The following PDE4D variants were observed in gnomAD, a reference collection of about 807,000 sequenced individuals.
PDE4D encodes the protein 3',5'-cyclic-AMP phosphodiesterase 4D.
In PDE4D, 24 loss-of-function variants were observed where a neutral mutation model predicts 87.4. That is an observed-to-expected ratio of 0.27 (90% CI 0.20 to 0.39). The LOEUF is 0.39. PDE4D is among the 10% of genes least tolerant of loss of function. The pLI, the probability that PDE4D is intolerant of heterozygous loss-of-function variation, is 1.00. For synonymous variants in PDE4D, 384 were observed against 383.2 expected (o/e 1.00, Z -0.02); for missense variants, 714 against 1,041.0 (o/e 0.69, Z 4.32).
chr5:59,951,888 C>A (rs1487882599), intron 3 of PDE4D, among the ~76,000 whole-genome samples: 2 of 152,168 alleles, frequency 1.3e-5, no homozygotes, highest in African/African-American at 4.8e-5. Context: ...CCCCGTTAAA[C>A]ATCTCTGTTA....
chr5:59,372,661 C>T lies in PDE4D; in HGVS notation c.456-156693G>A, dbSNP rs535942239. 9.2e-5 allele frequency among the ~76,000 whole-genome samples: 14 copies of T among 152,328 alleles called. No homozygotes were observed. In the East Asian group the frequency reaches 2.3e-3, roughly 25 times the overall value. ...ACCACCCTACCCCCAGCCAACACCA[C>T]CTCCAGTGTGACTGTGCACACAGGC... On this transcript the variant is annotated intron_variant, in intron 1 of 14. Transcript: ENST00000340635.
Position 60,180,894 on chromosome 5 carries a change from T to C in PDE4D, c.42+4663A>G, listed in dbSNP as rs529255107. ...TGAATACCAGTGAAAAAAATCAGTTTATACATCCTTAACTTTATTAGGATT... is the reference window on the plus strand; with the variant it reads ...TGAATACCAGTGAAAAAAATCAGTTCATACATCCTTAACTTTATTAGGATT... On this transcript the variant is annotated intron_variant, in intron 2 of 16. Coordinates refer to the PDE4D transcript ENST00000502484. 4.6e-5 allele frequency among the ~76,000 whole-genome samples: 7 copies of C among 152,282 alleles called. 1 individual carries two copies. The highest frequency in any genetic ancestry group is 1.3e-4 in the Admixed American group (2 of 15,296).
At chr5:60,407,114 T>C (rs1012411529) in intron 1 of PDE4D, among the ~76,000 whole-genome samples, 2 of 152,150 alleles carry the variant, frequency 1.3e-5, no homozygotes, top group African/African-American at 4.8e-5. Context: ...AGTGTATGTT[T>C]GGAGAAGTTC....
intron 1 of PDE4D, among the ~76,000 whole-genome samples, chr5:60,244,228 C>T (rs562898036): frequency 6.6e-6 from 1 of 151,522 alleles, no homozygotes; most frequent in African/African-American, 2.4e-5. Flanking sequence ...AATAAAATAC[C>T]TAGAAATTAA....
chr5:59,188,698 C>G (rs943744455), intron 3 of PDE4D, among the ~76,000 whole-genome samples: 1 of 152,148 alleles, frequency 6.6e-6, no homozygotes, highest in African/African-American at 2.4e-5. Context: ...GGGAGAGATT[C>G]ATTACTTCGG....
chr5:59,698,456 G>C (rs1752111347), intron 1 of PDE4D, among the ~76,000 whole-genome samples: 2 of 151,806 alleles, frequency 1.3e-5, no homozygotes, highest in African/African-American at 4.8e-5. Flanking sequence ...CAACATGAAG[G>C]GTCAAGCAGA....
intron 5 of PDE4D, among the ~76,000 whole-genome samples, chr5:59,119,625 G>C (rs538897466): frequency 1.3e-5 from 2 of 152,088 alleles, no homozygotes; most frequent in Admixed American, 1.3e-4. Flanking sequence ...TTAAAATATG[G>C]TGACTTTTAC....
At chr5:59,080,795 GT>G (rs1766598635) in intron 5 of PDE4D, among the ~76,000 whole-genome samples, 1 of 152,130 alleles carries the variant, frequency 6.6e-6, no homozygotes, top group African/African-American at 2.4e-5. Context: ...CTTTCCTAAT[GT>G]TCAATTTAAT....
chr5:59,093,008 G>T (rs1268111841), intron 5 of PDE4D, among the ~76,000 whole-genome samples: 2 of 152,086 alleles, frequency 1.3e-5, no homozygotes, highest in East Asian at 1.9e-4. Context: ...GAAAGTAAAG[G>T]AATAAAAACA....
intron 1 of PDE4D, among the ~76,000 whole-genome samples, chr5:60,250,192 A>C (rs899177002): frequency 6.6e-6 from 1 of 151,914 alleles, no homozygotes; most frequent in African/African-American, 2.4e-5. Context: ...ATAAGTTATT[A>C]CTCATTTTTC....
intron 1 of PDE4D, among the ~76,000 whole-genome samples, chr5:59,833,727 G>T (rs894643580): frequency 6.6e-6 from 1 of 151,896 alleles, no homozygotes; most frequent in Non-Finnish European, 1.5e-5. Flanking sequence ...GTGTGAAAGG[G>T]GTGTGAGAGA....
At chr5:60,138,588 T>C (rs540649372) in intron 2 of PDE4D, among the ~76,000 whole-genome samples, 2 of 152,116 alleles carry the variant, frequency 1.3e-5, no homozygotes, top group Admixed American at 6.6e-5. Flanking sequence ...GACTGAAACA[T>C]ACATAGAAGT....
chr5:60,492,177 A>G (rs574630944), upstream of PDE4D, among the ~76,000 whole-genome samples: 122 of 152,022 alleles, frequency 8.0e-4, no homozygotes, highest in African/African-American at 2.9e-3. Context: ...TCGCCCCTTT[A>G]GTAATCCCAG....
intron 1 of PDE4D, among the ~76,000 whole-genome samples, chr5:59,837,712 A>T (rs560634304): frequency 2.0e-5 from 3 of 152,224 alleles, no homozygotes; most frequent in African/African-American, 7.2e-5. Context: ...ATTTTTGAGC[A>T]GTTCCAAAAA....
intron 3 of PDE4D, among the ~76,000 whole-genome samples, chr5:59,954,265 T>C (rs1758602125): frequency 6.6e-6 from 1 of 152,182 alleles, no homozygotes; most frequent in Non-Finnish European, 1.5e-5. Flanking sequence ...AGAAATGATA[T>C]GGTGACAATT....
intron 3 of PDE4D, among the ~76,000 whole-genome samples, chr5:59,971,044 C>A (rs1760688021): frequency 6.6e-6 from 1 of 151,958 alleles, no homozygotes; most frequent in Non-Finnish European, 1.5e-5. Context: ...ATGATGAGGT[C>A]ATGTCCTTTG....
At chr5:60,280,806 C>T (rs904809434) in intron 1 of PDE4D, among the ~76,000 whole-genome samples, 6 of 152,060 alleles carry the variant, frequency 3.9e-5, no homozygotes, top group South Asian at 2.1e-4. Flanking sequence ...CACATTAAGG[C>T]TCTATAAATG....
At chr5:60,397,753 A>G (rs1296492554) in intron 1 of PDE4D, among the ~76,000 whole-genome samples, 1 of 152,236 alleles carries the variant, frequency 6.6e-6, no homozygotes, top group East Asian at 1.9e-4. Context: ...AGTTAAGAAC[A>G]GTGTATTATG....
chr5:59,443,516 GA>G (rs1245461116), intron 1 of PDE4D, among the ~76,000 whole-genome samples: 1 of 152,104 alleles, frequency 6.6e-6, no homozygotes, highest in Non-Finnish European at 1.5e-5. Flanking sequence ...TCCAATACTG[GA>G]AAATCAATAG....
Sources: allele counts gnomAD v4.1 joint callset (sites outside exome capture counted in the v4.1 genomes callset), GRCh38; gene constraint gnomAD v4.1.1; transcripts MANE v1.5; gene names NCBI Gene and HGNC (gene_info 2026-07-23, HGNC 2026-07-21).